FAAH2: variants seen among roughly 807,000 people sequenced by gnomAD.
FAAH2 encodes the protein fatty acid amide hydrolase 2.
FAAH2 carries 60 observed loss-of-function variants against 36.9 expected under a neutral mutation model. The ratio of observed to expected loss-of-function variants is 1.63; its 90% CI spans 1.32 to 2.02. The LOEUF (loss-of-function observed/expected upper bound fraction) is 2.02. FAAH2 is among the 30% of genes most tolerant of loss of function. The probability of loss-of-function intolerance (pLI) is 0.00; values close to 1 mark genes in which losing one functional copy is unlikely to be tolerated. For synonymous variants in FAAH2, 214 were observed against 143.8 expected (o/e 1.49, Z -3.49); for missense variants, 689 against 397.5 (o/e 1.73, Z -6.23).
chrX:57,254,146 G>T, the FAAH2 span, among the ~76,000 whole-genome samples: 9 of 109,609 alleles, frequency 8.2e-5, no homozygotes, highest in Admixed American at 8.8e-4. Flanking sequence ...TGATAAAACA[G>T]ACTTTAAACC....
chrX:57,414,391 T>A lies in FAAH2; in HGVS notation c.997-17527T>A, dbSNP rs544460140. Among the ~76,000 whole-genome samples, 65 of 112,223 alleles carry A rather than the reference T, an allele frequency of 5.8e-4. 1 individual carries two copies. In the South Asian group the frequency reaches 0.024, roughly 41 times the overall value. Reference sequence around the variant, plus strand: ...TCTTATTATTTTGAGATATGTTTAATCAATATATAGTTTATTGAGAGCTTT... The same window carrying A: ...TCTTATTATTTTGAGATATGTTTAAACAATATATAGTTTATTGAGAGCTTT... On this transcript the variant is annotated intron_variant, in intron 7 of 10. Coordinates refer to ENST00000374900, the MANE Select transcript of FAAH2 (RefSeq NM_174912.4).
At chrX:57,337,168 G>A (rs1285586276) in intron 4 of FAAH2, among the ~76,000 whole-genome samples, 2 of 107,601 alleles carry the variant, frequency 1.9e-5, no homozygotes, top group Non-Finnish European at 3.8e-5. Flanking sequence ...AATTCCTGGA[G>A]GCATACACTT....
intron 5 of FAAH2, among the ~76,000 whole-genome samples, chrX:57,354,470 T>C (rs1247650629): frequency 9.1e-6 from 1 of 110,340 alleles, no homozygotes; most frequent in Non-Finnish European, 1.9e-5. Context: ...AATTTGTTAA[T>C]GGGTACAATG....
the FAAH2 span, among the ~76,000 whole-genome samples, chrX:57,192,671 G>A: frequency 8.9e-6 from 1 of 111,739 alleles, no homozygotes; most frequent in Admixed American, 9.5e-5. Context: ...AGGAAGTCAG[G>A]GACCCCAAAT....
intron 5 of FAAH2, among the ~76,000 whole-genome samples, chrX:57,350,325 A>G (rs985915156): frequency 6.3e-5 from 7 of 110,892 alleles, no homozygotes; most frequent in Non-Finnish European, 1.1e-4. Context: ...GACATTTACC[A>G]TTATGAAAAC....
chrX:57,311,525 G>A (rs980932783), intron 3 of FAAH2, among the ~76,000 whole-genome samples: 2 of 111,871 alleles, frequency 1.8e-5, no homozygotes, highest in African/African-American at 6.5e-5. Context: ...GAGCCTGGAA[G>A]CTTTTGGTGC....
chrX:57,381,377 A>G (rs1421087262), intron 7 of FAAH2, among the ~76,000 whole-genome samples: 1 of 111,776 alleles, frequency 8.9e-6, no homozygotes, highest in Admixed American at 9.5e-5. Flanking sequence ...ATATGCAATC[A>G]TTTTAGCCTG....
intron 5 of FAAH2, among the ~76,000 whole-genome samples, chrX:57,366,001 T>G (rs1240436972): frequency 8.9e-6 from 1 of 112,279 alleles, no homozygotes; most frequent in African/African-American, 3.2e-5. Context: ...GTTGATGAGC[T>G]TCCTTGCTGT....
At chrX:57,436,526 G>GAA (rs747554438) in intron 8 of FAAH2, among the ~76,000 whole-genome samples, 24 of 108,524 alleles carry the variant, frequency 2.2e-4, no homozygotes, top group African/African-American at 7.6e-4. Flanking sequence ...AATCAGAAAT[G>GAA]AAAAAAGAGA....
chrX:57,196,250 G>A, the FAAH2 span, among the ~76,000 whole-genome samples: 1 of 111,601 alleles, frequency 9.0e-6, no homozygotes, highest in Admixed American at 9.5e-5. Context: ...GCAGTGTTTT[G>A]TAGTTTTCCT....
At chrX:57,287,116 A>G in intron 1 of FAAH2, 99 bp downstream of exon 1, 1 of 864,872 alleles carries the variant, frequency 1.2e-6, no homozygotes. Flanking sequence ...TCCATTCTCT[A>G]CTAGGGCGAC....
intron 3 of FAAH2, among the ~76,000 whole-genome samples, chrX:57,324,179 T>C (rs1232638009): frequency 8.9e-6 from 1 of 111,830 alleles, no homozygotes; most frequent in East Asian, 2.8e-4. Flanking sequence ...CTGAGGGCTC[T>C]GTTCTGTTCC....
intron 5 of FAAH2, among the ~76,000 whole-genome samples, chrX:57,343,509 C>A (rs1357740329): frequency 9.0e-6 from 1 of 111,313 alleles, no homozygotes; most frequent in African/African-American, 3.3e-5. Flanking sequence ...CTTATAGATT[C>A]TGGATATTAG....
the FAAH2 span, chrX:57,135,984 A>G: frequency 2.2e-5 from 26 of 1,203,148 alleles, no homozygotes; most frequent in Non-Finnish European, 2.9e-5. Flanking sequence ...GCCATCTACA[A>G]CTCCTCCTGG....
intron 1 of FAAH2, among the ~76,000 whole-genome samples, chrX:57,290,622 AAAGT>A (rs1230391058): frequency 9.0e-6 from 1 of 111,114 alleles, no homozygotes; most frequent in Admixed American, 9.6e-5. Context: ...TAGATATTTA[AAAGT>A]TAGTTCATCT....
At chrX:57,316,759 C>T (rs1316984434) in intron 3 of FAAH2, among the ~76,000 whole-genome samples, 1 of 111,164 alleles carries the variant, frequency 9.0e-6, no homozygotes, top group Non-Finnish European at 1.9e-5. Context: ...AGACGTCAAA[C>T]TCTAAAAAAG....
At chrX:57,195,505 T>TC in the FAAH2 span, among the ~76,000 whole-genome samples, 1 of 111,974 alleles carries the variant, frequency 8.9e-6, no homozygotes. Flanking sequence ...TTCTAGGTAT[T>TC]AGTCCTTTTT....
At chrX:57,323,000 C>A (rs950183760) in intron 3 of FAAH2, among the ~76,000 whole-genome samples, 5 of 110,354 alleles carry the variant, frequency 4.5e-5, no homozygotes, top group African/African-American at 1.7e-4. Context: ...CACCCCACAA[C>A]AGGCCCCAGT....
At chrX:57,335,807 G>A (rs1008116935) in intron 4 of FAAH2, among the ~76,000 whole-genome samples, 2 of 112,087 alleles carry the variant, frequency 1.8e-5, no homozygotes, top group African/African-American at 6.5e-5. Flanking sequence ...GCTTTCCTAG[G>A]CAGAGGTACC....
Sources: gnomAD v4.1 joint callset for allele counts (sites outside exome capture counted in the v4.1 genomes callset) on GRCh38, gnomAD v4.1.1 for gene constraint, MANE v1.5 for transcripts, NCBI Gene and HGNC (gene_info 2026-07-23, HGNC 2026-07-21) for gene names.